TJP3: variants seen among roughly 807,000 people sequenced by gnomAD.
TJP3 encodes tight junction protein ZO-3.
In TJP3, 85 loss-of-function variants were observed where a neutral mutation model predicts 104.2. The observed-to-expected ratio is 0.82, with a 90% CI of 0.68 to 0.98. The LOEUF (loss-of-function observed/expected upper bound fraction) is 0.98. Among genes scored for constraint, TJP3 ranks in the 50% least tolerant of loss-of-function variants. The pLI is 0.00. For missense variants in TJP3, 1,367 were observed against 1,322.8 expected, an observed-to-expected ratio of 1.03 and a Z score of -0.52; for synonymous variants, 550 against 550.6, an observed-to-expected ratio of 1.00 and a Z score of 0.02.
intron 1 of TJP3, among the ~76,000 whole-genome samples, chr19:3,714,729 G>T (rs1341348957): frequency 6.6e-6 from 1 of 151,978 alleles, no homozygotes; most frequent in African/African-American, 2.4e-5. Flanking sequence ...TGATCCACTG[G>T]GGGACCTCAG....
rs1291585979 is a variant in TJP3 at position 3,728,640 on chromosome 19, G to A, written c.85G>A (p.Gly29Ser). The A allele has an allele frequency of 6.2e-7, 1 of 1,613,730 alleles. No individual in the cohort carries two copies. Among genetic ancestry groups the A allele is most frequent in the South Asian group, 1.1e-5 (1 of 90,850 alleles). The stretch of plus-strand genomic sequence containing the variant: ...GGGCTTTGGCATTGCGATCTCTGGA[G>A]GCCGAGACCGGCCCGGTGGATCCAT... The part of the protein sequence containing the change: ...RRGFGIAISG[G>S]RDRPGGSMVV... Residue 29 changes from glycine (G) to serine (S), a missense_variant, in exon 3 of 21, where the codon GGC becomes AGC. Gly to Ser is a moderately conservative substitution (Grantham distance 56, BLOSUM62 0). Transcript: ENST00000541714.
At position 3,746,600 on chromosome 19, in the gene TJP3, T is replaced by C. The variant is rs150210055; in HGVS notation, c.2126T>C (p.Leu709Pro). The C allele has an allele frequency of 5.5e-5, 89 of 1,613,582 alleles. No individual in the cohort carries two copies. The highest frequency in any genetic ancestry group is 7.4e-5 in the Non-Finnish European group (87 of 1,179,902). Residue 709 changes from leucine to proline, a missense_variant, in exon 17 of 21, where the codon CTG (leucine) becomes CCG (proline). Coordinates refer to ENST00000541714, the MANE Select transcript of TJP3 (RefSeq NM_001267560.2). The surrounding 1 kb of genome is among the most constrained non-coding windows in gnomAD (Gnocchi z 4.1). ...GAGAGCCGGCCGGCCCTCAAGGCACTGCGCCAGTGGCTGGCGCCTGCCTCC... is the reference window on the plus strand; with the variant it reads ...GAGAGCCGGCCGGCCCTCAAGGCACCGCGCCAGTGGCTGGCGCCTGCCTCC... ...IPESRPALKA[L>P]RQWLAPASRR...
chr19:3,734,051 C>T (rs1233641788), intron 7 of TJP3, 139 bp downstream of exon 7: 8 of 1,209,580 alleles, frequency 6.6e-6, no homozygotes, highest in Non-Finnish European at 9.1e-6. Flanking sequence ...GAAGGCCACA[C>T]AGCAAGTCAA....
Position 3,746,471 on chromosome 19 carries a change from C to A in TJP3, c.2011-14C>A. On this transcript the variant is annotated splice_polypyrimidine_tract_variant and intron_variant, in intron 16 of 20. Coordinates refer to ENST00000541714, the MANE Select transcript of TJP3 (RefSeq NM_001267560.2). The surrounding 1 kb of genome is among the most constrained non-coding windows in gnomAD (Gnocchi z 4.1). The stretch of plus-strand genomic sequence containing the variant: ...GCAATCCCCCTCACCCCAACGTCCG[C>A]CGGCCTGGCCCAGGACAAGCATGCG... 6.2e-7 allele frequency: 1 copy of A among 1,613,424 alleles called. No homozygotes were observed. Among genetic ancestry groups the A allele is most frequent in the South Asian group, 1.1e-5 (1 of 91,062 alleles).
At chr19:3,740,212 C>T (rs887449630) in intron 13 of TJP3, among the ~76,000 whole-genome samples, 3 of 150,812 alleles carry the variant, frequency 2.0e-5, no homozygotes, top group East Asian at 1.9e-4. Context: ...AACCTGGCGA[C>T]GGAGCGAGAC....
chr19:3,733,190 C>T (rs986676422), intron 6 of TJP3, among the ~76,000 whole-genome samples: 1 of 151,886 alleles, frequency 6.6e-6, no homozygotes, highest in Non-Finnish European at 1.5e-5. Context: ...CGCCCACCAC[C>T]ACGCCCTGCT....
In TJP3 at chr19:3,728,454, G is replaced by GAAC; in HGVS notation, c.24_26dup (p.Gln9dup). 1 of 1,613,802 alleles carries GAAC rather than the reference G, an allele frequency of 6.2e-7. No homozygotes were observed. Among genetic ancestry groups the GAAC allele is most frequent in the South Asian group, 1.1e-5 (1 of 91,008 alleles). Reference sequence around the variant, plus strand: ...TGACATGGAGGAGCTGACCATCTGGGAACAGCACACGGCCACACTGTCCAA... The same window carrying GAAC: ...TGACATGGAGGAGCTGACCATCTGGGAACAACAGCACACGGCCACACTGTCCAA... On this transcript the variant is annotated inframe_insertion, in exon 2 of 21. Transcript: ENST00000541714.
chr19:3,744,668 AAAAAAAC>A (rs2036862778), intron 15 of TJP3, among the ~76,000 whole-genome samples: 2 of 150,310 alleles, frequency 1.3e-5, no homozygotes, highest in Non-Finnish European at 3.0e-5. Flanking sequence ...GTCAAAAAAA[AAAAAAAC>A]AAAAACAATT....
chr19:3,747,925 T>C lies in TJP3; in HGVS notation c.2454T>C (p.Asp818=), dbSNP rs2036923686. Residue 818 remains aspartate (D), a synonymous_variant, in exon 19 of 21, where the codon GAT becomes GAC. Transcript: ENST00000541714. ...ETDGEGGAYT[D]GEGYTDGEGG... ...ACGGCGAGGGCGGCGCGTACACGGA[T>C]GGCGAGGGCTACACAGACGGCGAGG... 6.2e-7 allele frequency: 1 copy of C among 1,613,200 alleles called. No individual in the cohort carries two copies. The highest frequency in any genetic ancestry group is 8.5e-7 in the Non-Finnish European group (1 of 1,179,922).
chr19:3,717,521 C>T (rs187706070), intron 1 of TJP3, among the ~76,000 whole-genome samples: 35 of 151,584 alleles, frequency 2.3e-4, no homozygotes, highest in South Asian at 4.2e-4. Flanking sequence ...CTGCAACCGC[C>T]GCCTCCCAGG....
rs563170085 is a variant in TJP3, at chr19:3,722,529, G to A, written c.-9-5895G>A. Among the ~76,000 whole-genome samples the A allele has an allele frequency of 3.8e-3, 557 of 145,820 alleles. 3 individuals are homozygous for A. Among genetic ancestry groups the A allele is most frequent in the African/African-American group, 0.013 (525 of 40,040 alleles). On this transcript the variant is annotated intron_variant, in intron 1 of 20. Coordinates refer to ENST00000541714, the MANE Select transcript of TJP3 (RefSeq NM_001267560.2). The stretch of plus-strand genomic sequence containing the variant: ...CAAAGCTATTAACAGGCATTACCAG[G>A]CAGAGGCAGGGGTGGGGTGAGCAAG...
At chr19:3,743,732 T>G in intron 14 of TJP3, 1 of 536,564 alleles carries the variant, frequency 1.9e-6, no homozygotes, top group Non-Finnish European at 3.3e-6. Flanking sequence ...TACACATCAA[T>G]TCTGCTAGTG....
Position 3,738,921 on chromosome 19 carries a change from G to A in TJP3, c.1418G>A (p.Arg473His), listed in dbSNP as rs755131245. Residue 473 changes from arginine (R) to histidine (H), a missense_variant, in exon 13 of 21, where the codon CGC (arginine) becomes CAC (histidine). Coordinates refer to ENST00000541714, the MANE Select transcript of TJP3 (RefSeq NM_001267560.2). ...GTTTTCTGGAAAATGGTGCAGTCCC[G>A]CGTGGGTGACTCCTTCTACATCCGC... ...QDIFWKMVQS[R>H]VGDSFYIRTH... 6.5e-5 allele frequency: 105 copies of A among 1,608,720 alleles called. No homozygotes were observed. Among genetic ancestry groups the A allele is most frequent in the Non-Finnish European group, 8.2e-5 (96 of 1,176,944 alleles).
At chr19:3,714,665 T>C (rs1283128723) in intron 1 of TJP3, among the ~76,000 whole-genome samples, 1 of 151,642 alleles carries the variant, frequency 6.6e-6, no homozygotes, top group Non-Finnish European at 1.5e-5. Flanking sequence ...CCCAGCACTT[T>C]GGGAGGCCAA....
intron 15 of TJP3, among the ~76,000 whole-genome samples, 180 bp from the exon 16 acceptor site, chr19:3,745,831 G>C (rs951151555): frequency 2.0e-5 from 3 of 152,248 alleles, no homozygotes; most frequent in African/African-American, 7.2e-5. Context: ...GAGGTCAGGA[G>C]GGGATGTGAG....
At chr19:3,740,937 C>G (rs369898646) in intron 14 of TJP3, among the ~76,000 whole-genome samples, 174 bp downstream of exon 14, 8 of 152,248 alleles carry the variant, frequency 5.3e-5, no homozygotes, top group African/African-American at 1.9e-4. Context: ...GCCAGGAGTT[C>G]CAGATCAACC....
chr19:3,714,643 C>T (rs560784640), intron 1 of TJP3, among the ~76,000 whole-genome samples: 1 of 152,026 alleles, frequency 6.6e-6, no homozygotes, highest in South Asian at 2.1e-4. Flanking sequence ...CGCAGTGGCA[C>T]ACACCTGTAA....
In TJP3 at chr19:3,739,074, C is replaced by A. The variant is rs147001701; in HGVS notation, c.1571C>A (p.Ala524Glu). 1 of 1,605,942 alleles carries A rather than the reference C, an allele frequency of 6.2e-7. No individual in the cohort carries two copies. Among genetic ancestry groups the A allele is most frequent in the Non-Finnish European group, 8.5e-7 (1 of 1,175,766 alleles). The part of the protein sequence containing the change: ...QSHARGGHWL[A>E]VRMGRDLREQ... ...CACGCACGAGGAGGCCACTGGCTGG[C>A]GGTGCGCATGGGTCGTGACCTGCGG... The change falls in exon 13 of 21, where the codon GCG becomes GAG. Residue 524 changes from alanine (A) to glutamate (E), a missense_variant. By Grantham distance (107) the Ala-to-Glu change is moderately radical (BLOSUM62 -1). Transcript: ENST00000541714.
At chr19:3,708,902 C>T (rs1025879167) in intron 1 of TJP3, among the ~76,000 whole-genome samples, 2 of 152,060 alleles carry the variant, frequency 1.3e-5, no homozygotes, top group African/African-American at 2.4e-5. Context: ...GGATATCAGT[C>T]CAGACGGAGC....
Sources: allele counts gnomAD v4.1 joint callset (sites outside exome capture counted in the v4.1 genomes callset), GRCh38; gene constraint gnomAD v4.1.1; non-coding constraint Gnocchi (gnomAD v3.1); transcripts MANE v1.5; gene names NCBI Gene and HGNC (gene_info 2026-07-23, HGNC 2026-07-21).